The following ABCA12 variants were observed in gnomAD, a reference collection of about 807,000 sequenced individuals.
The protein encoded by ABCA12 is glucosylceramide transporter ABCA12.
ABCA12 carries 156 observed loss-of-function variants against 293.5 expected under a neutral mutation model. That is an observed-to-expected ratio of 0.53 (90% CI 0.47 to 0.61). The LOEUF is 0.61. Ranked by LOEUF, ABCA12 falls within the 20% of genes least tolerant of loss-of-function variation. ABCA12 has a pLI of 0.00. For synonymous variants in ABCA12, 1,063 were observed against 1,108.0 expected, an observed-to-expected ratio of 0.96 and a Z score of 0.81; for missense variants, 2,797 against 3,090.2, an observed-to-expected ratio of 0.91 and a Z score of 2.25.
At chr2:215,134,476 GTATA>G (rs1212641583) in intron 1 of ABCA12, among the ~76,000 whole-genome samples, 1 of 118,072 alleles carries the variant, frequency 8.5e-6, no homozygotes, top group Non-Finnish European at 1.7e-5. Flanking sequence ...ATGTGTATGT[GTATA>G]TATACGTATA....
Position 215,121,997 on chromosome 2 carries a change from G to A in ABCA12, c.70-10307C>T, listed in dbSNP as rs566425425. The stretch of plus-strand genomic sequence containing the variant: ...TGAGGACAGACTAATACACTGGTGT[G>A]CCTCACTGCCATCTAAAGAAATGAC... On this transcript the variant is annotated intron_variant, in intron 1 of 52. Coordinates refer to ENST00000272895, the MANE Select transcript of ABCA12 (RefSeq NM_173076.3). 3.3e-5 allele frequency among the ~76,000 whole-genome samples: 5 copies of A among 152,282 alleles called. No homozygotes were observed. In the South Asian group the frequency reaches 1.0e-3, roughly 32 times the overall value.
At chr2:215,134,348 G>A (rs905637647) in intron 1 of ABCA12, among the ~76,000 whole-genome samples, 6 of 141,434 alleles carry the variant, frequency 4.2e-5, no homozygotes, top group African/African-American at 1.4e-4. Context: ...ATATGTATAT[G>A]TGTATATATG....
At chr2:214,980,762 A>T in intron 30 of ABCA12, 119 bp from the exon 31 acceptor site, 3 of 1,303,334 alleles carry the variant, frequency 2.3e-6, no homozygotes, top group Non-Finnish European at 3.3e-6. Context: ...TCATGAGCTA[A>T]CTGAAAAACT....
intron 35 of ABCA12, 97 bp from the exon 36 acceptor site, chr2:214,974,139 G>T: frequency 9.3e-7 from 1 of 1,074,254 alleles, no homozygotes; most frequent in Non-Finnish European, 1.4e-6. Flanking sequence ...TTAAGTTCAT[G>T]TGTGTAGTCA....
Position 215,049,566 on chromosome 2 carries a change from C to A in ABCA12, c.693+60G>T, listed in dbSNP as rs1575010341. The A allele has an allele frequency of 3.9e-6, 6 of 1,519,264 alleles. No individual in the cohort carries two copies. In the East Asian group the frequency reaches 1.4e-4, roughly 34 times the overall value. The allele number at this position is 1,519,264 out of a possible 1,614,324, so 94.1% of individuals were successfully genotyped here. Reference sequence around the variant, plus strand: ...GTCAGCATTTCCCAGTCTACACGGGCTATAGATTTACCCTTTAATTCATGT... The same window carrying A: ...GTCAGCATTTCCCAGTCTACACGGGATATAGATTTACCCTTTAATTCATGT... On this transcript the variant is annotated intron_variant, in intron 6 of 52. Transcript: ENST00000272895.
intron 1 of ABCA12, among the ~76,000 whole-genome samples, chr2:215,126,310 A>G (rs1249835533): frequency 6.6e-6 from 1 of 152,166 alleles, no homozygotes; most frequent in Non-Finnish European, 1.5e-5. Context: ...CTGACTTCAT[A>G]GAATGAATTA....
rs367956239 is a variant in ABCA12 at position 215,068,310 on chromosome 2, T to A, written c.164-4091A>T. 6.6e-5 allele frequency among the ~76,000 whole-genome samples: 10 copies of A among 152,190 alleles called. No individual in the cohort carries two copies. In the East Asian group the frequency reaches 7.7e-4, roughly 12 times the overall value. ...CCACTGGATTAGACTGCAAAGCTTT[T>A]CATGAGAATCAGTAAATATTTTAAG... On this transcript the variant is annotated intron_variant, in intron 2 of 52. Transcript: ENST00000272895.
At chr2:215,054,752 C>A in intron 3 of ABCA12, 88 bp from the exon 4 acceptor site, 1 of 997,970 alleles carries the variant, frequency 1.0e-6, no homozygotes. Context: ...CCAGGGCTGT[C>A]TGAGGACTTT....
intron 51 of ABCA12, among the ~76,000 whole-genome samples, chr2:214,936,618 T>C (rs182329768): frequency 1.3e-5 from 2 of 152,366 alleles, no homozygotes; most frequent in Admixed American, 1.3e-4. Flanking sequence ...TAGGTATATA[T>C]GCATATATCT....
chr2:215,008,716 T>C (rs1163302823), intron 18 of ABCA12, among the ~76,000 whole-genome samples: 3 of 151,872 alleles, frequency 2.0e-5, no homozygotes, highest in Non-Finnish European at 4.4e-5. Context: ...AATGCTAACA[T>C]ACATTAGTTT....
Position 214,949,029 on chromosome 2 carries a change from G to A in ABCA12, c.6962+11C>T. On this transcript the variant is annotated intron_variant, in intron 46 of 52. Transcript: ENST00000272895. ...TTGTACTCGCTAAATTGAAGCATTA[G>A]TTTTTCATACCCGGTCTTATTTCTG... The A allele has an allele frequency of 6.2e-7, 1 of 1,602,328 alleles. No individual in the cohort carries two copies. The highest frequency in any genetic ancestry group is 8.6e-7 in the Non-Finnish European group (1 of 1,169,552).
intron 49 of ABCA12, among the ~76,000 whole-genome samples, chr2:214,943,561 C>A (rs1017494852): frequency 5.5e-4 from 84 of 152,174 alleles, no homozygotes; most frequent in African/African-American, 1.9e-3. Context: ...CTTCTAAAAC[C>A]AAAGGCCATC....
In ABCA12 at chr2:215,138,443, C is replaced by T. The variant is rs558252658; in HGVS notation, c.-235G>A. ...ATCAACTCTTCTTCCAAAAGAAGGA[C>T]CCAGATCAGTATCTTTGGGTGGCTT... On this transcript the variant is annotated 5_prime_UTR_variant, in exon 1 of 53. Coordinates refer to ENST00000272895, the MANE Select transcript of ABCA12 (RefSeq NM_173076.3). The T allele has an allele frequency of 7.0e-6, 4 of 567,488 alleles. No homozygotes were observed. In the East Asian group the frequency reaches 9.2e-5, roughly 13 times the overall value. 35.2% of individuals were successfully genotyped at this position (567,488 alleles called of 1,614,324 possible). A position where few individuals can be genotyped will look rare whatever the true frequency, so the allele number is the denominator to read the frequency against.
Position 215,064,615 on chromosome 2 carries a change from G to T in ABCA12, c.164-396C>A, listed in dbSNP as rs78825582. On this transcript the variant is annotated intron_variant, in intron 2 of 52. Transcript: ENST00000272895. ...CAAATGTTGTCAATTAATACAAAAA[G>T]TGTTTATGACACATTGTTAGTTTAA... Among the ~76,000 whole-genome samples, 620 of 151,760 alleles carry T rather than the reference G, an allele frequency of 4.1e-3. 29 individuals carry two copies. The East Asian group carries it at 0.1, about 25-fold the overall frequency.
intron 41 of ABCA12, among the ~76,000 whole-genome samples, chr2:214,956,995 T>G (rs1014294316): frequency 3.3e-5 from 5 of 152,206 alleles, no homozygotes; most frequent in Admixed American, 6.5e-5. Flanking sequence ...TAAGCCAATC[T>G]CCATCTTTAA....
chr2:215,001,458 C>T (rs1700144123), intron 21 of ABCA12, 100 bp downstream of exon 21: 1 of 1,466,208 alleles, frequency 6.8e-7, no homozygotes, highest in Middle Eastern at 1.7e-4. Flanking sequence ...CCTAAGGACC[C>T]CCACACTAGT....
intron 7 of ABCA12, among the ~76,000 whole-genome samples, chr2:215,040,143 C>T (rs2106041202): frequency 6.6e-6 from 1 of 152,220 alleles, no homozygotes; most frequent in Middle Eastern, 3.4e-3. Context: ...CACACTAGCA[C>T]ATTTCAAGTG....
Position 215,000,885 on chromosome 2 carries a change from G to A in ABCA12, c.2999C>T (p.Thr1000Ile), listed in dbSNP as rs772922644. Residue 1000 changes from threonine (T) to isoleucine (I), a missense_variant, in exon 22 of 53, where the codon ACC (threonine) becomes ATC (isoleucine). This residue lies in a region of ABCA12 where 2,130 missense variants were observed against 2,427.0 expected (regional missense o/e 0.88). Transcript: ENST00000272895. ...GTGTGGCCCTGGAGCCCAAATCTTGGTTCTTAGGCTTCTTGTGGTCTGTGC... is the reference window on the plus strand; with the variant it reads ...GTGTGGCCCTGGAGCCCAAATCTTGATTCTTAGGCTTCTTGTGGTCTGTGC... ...KTAQTTRSLR[T>I]KIWAPGPHNS... 4 of 1,614,110 alleles carry A rather than the reference G, an allele frequency of 2.5e-6. No individual in the cohort carries two copies. The highest frequency in any genetic ancestry group is 2.5e-6 in the Non-Finnish European group (3 of 1,180,012).
chr2:215,056,122 A>C (rs909061535), intron 3 of ABCA12, among the ~76,000 whole-genome samples: 1 of 152,092 alleles, frequency 6.6e-6, no homozygotes, highest in African/African-American at 2.4e-5. Flanking sequence ...GACAAAGATC[A>C]AAATGAGCAA....
Sources: allele counts gnomAD v4.1 joint callset (sites outside exome capture counted in the v4.1 genomes callset), GRCh38; gene constraint gnomAD v4.1.1; regional missense constraint gnomAD v4.1.1; transcripts MANE v1.5; gene names NCBI Gene and HGNC (gene_info 2026-07-23, HGNC 2026-07-21).